DLGAP1: variants seen among roughly 807,000 people sequenced by gnomAD.
DLGAP1 encodes disks large-associated protein 1.
In DLGAP1, 11 loss-of-function variants were observed where a neutral mutation model predicts 90.8. The ratio of observed to expected loss-of-function variants is 0.12; its 90% CI spans 0.08 to 0.20. DLGAP1 has a LOEUF of 0.20. Among genes scored for constraint, DLGAP1 ranks in the 10% least tolerant of loss-of-function variants. DLGAP1 has a pLI of 1.00. For synonymous variants in DLGAP1, 558 were observed against 540.7 expected, an observed-to-expected ratio of 1.03 and a Z score of -0.44; for missense variants, 1,050 against 1,333.8, an observed-to-expected ratio of 0.79 and a Z score of 3.31.
At chr18:3,924,319 G>A (rs1005312544) in intron 3 of DLGAP1, among the ~76,000 whole-genome samples, 1 of 152,158 alleles carries the variant, frequency 6.6e-6, no homozygotes, top group Admixed American at 6.6e-5. Context: ...GAACAGTTCA[G>A]AAAACAAAAC....
chr18:4,272,703 G>C (rs1329850699), intron 1 of DLGAP1, among the ~76,000 whole-genome samples: 1 of 152,106 alleles, frequency 6.6e-6, no homozygotes, highest in Non-Finnish European at 1.5e-5. Flanking sequence ...ACTCTTCTAC[G>C]GGAAAGCGTT....
At chr18:4,297,681 G>A (rs535995579) in intron 1 of DLGAP1, among the ~76,000 whole-genome samples, 1 of 152,180 alleles carries the variant, frequency 6.6e-6, no homozygotes, top group East Asian at 1.9e-4. Flanking sequence ...TGGAGACAAG[G>A]CTCTCTCCTT....
At chr18:4,340,711 G>C (rs1028482289) in intron 1 of DLGAP1, among the ~76,000 whole-genome samples, 3 of 152,080 alleles carry the variant, frequency 2.0e-5, no homozygotes, top group African/African-American at 7.2e-5. Flanking sequence ...CTTAAGTCCA[G>C]CACCCTTTCT....
chr18:4,257,328 A>C (rs898689262), intron 1 of DLGAP1, among the ~76,000 whole-genome samples: 1 of 152,208 alleles, frequency 6.6e-6, no homozygotes, highest in African/African-American at 2.4e-5. Flanking sequence ...CTTATAGTTC[A>C]GAAGGGAAAA....
chr18:3,911,081 T>C (rs2148895680), intron 3 of DLGAP1, among the ~76,000 whole-genome samples: 1 of 152,264 alleles, frequency 6.6e-6, no homozygotes, highest in African/African-American at 2.4e-5. Flanking sequence ...ACAGAGCAAA[T>C]TCCTGTTAGA....
chr18:4,388,283 T>C (rs1462218129), intron 1 of DLGAP1, among the ~76,000 whole-genome samples: 4 of 151,888 alleles, frequency 2.6e-5, no homozygotes, highest in African/African-American at 9.7e-5. Flanking sequence ...GATTAGAGGA[T>C]GGTGAAGCTA....
chr18:3,654,184 A>T (rs1380782315), intron 7 of DLGAP1, among the ~76,000 whole-genome samples: 1 of 152,136 alleles, frequency 6.6e-6, no homozygotes, highest in Non-Finnish European at 1.5e-5. Flanking sequence ...TGGTATCCGC[A>T]GCCACTCCAG....
At chr18:4,071,966 C>T (rs1033817145) in intron 2 of DLGAP1, among the ~76,000 whole-genome samples, 1 of 152,168 alleles carries the variant, frequency 6.6e-6, no homozygotes, top group Non-Finnish European at 1.5e-5. Context: ...CTGAAAAGTA[C>T]TTTTAAAATA....
intron 7 of DLGAP1, among the ~76,000 whole-genome samples, chr18:3,614,856 A>G (rs1016625274): frequency 6.6e-6 from 1 of 150,974 alleles, no homozygotes; most frequent in Non-Finnish European, 1.5e-5. Context: ...TCTCAAGAAA[A>G]AAAAAAAAAA....
At chr18:3,736,188 A>C (rs2062629926) in intron 6 of DLGAP1, among the ~76,000 whole-genome samples, 1 of 152,216 alleles carries the variant, frequency 6.6e-6, no homozygotes, top group Admixed American at 6.5e-5. Flanking sequence ...AAATAAATAA[A>C]GACATAAATT....
chr18:3,945,416 C>T (rs11081076), intron 3 of DLGAP1, among the ~76,000 whole-genome samples: 109,289 of 152,080 alleles, frequency 0.72, 39,457 homozygotes, highest in African/African-American at 0.78. Flanking sequence ...TGGGAGTATA[C>T]AATAAAACAC....
intron 3 of DLGAP1, among the ~76,000 whole-genome samples, chr18:3,991,609 T>C (rs2073969992): frequency 6.6e-6 from 1 of 152,188 alleles, no homozygotes; most frequent in South Asian, 2.1e-4. Context: ...CAGAGATACT[T>C]TCTGGTTGGT....
Position 4,088,427 on chromosome 18 carries a change from C to CTT in DLGAP1, c.-159+62751_-159+62752dup, listed in dbSNP as rs1555737564. Among the ~76,000 whole-genome samples, 26 of 107,876 alleles carry CTT rather than the reference C, an allele frequency of 2.4e-4. 1 individual carries two copies. In the South Asian group the frequency reaches 3.3e-3, roughly 14 times the overall value. The allele number at this position is 107,876 out of a possible 152,430, so 70.8% of individuals were successfully genotyped here. On this transcript the variant is annotated intron_variant, in intron 2 of 12. Transcript: ENST00000315677. ...TTTTATTTACCCTCACATAATTTTC[C>CTT]TTTGTGTGTGTGTGTGTGTGTGTGT...
At chr18:4,365,878 A>G (rs1396910885) in intron 1 of DLGAP1, among the ~76,000 whole-genome samples, 1 of 152,152 alleles carries the variant, frequency 6.6e-6, no homozygotes, top group Non-Finnish European at 1.5e-5. Context: ...CTAAGGTATT[A>G]AGTCAAAAGC....
chr18:3,737,201 A>AACTGGTAC (rs1469681715), intron 6 of DLGAP1, among the ~76,000 whole-genome samples: 3 of 150,898 alleles, frequency 2.0e-5, no homozygotes, highest in Non-Finnish European at 4.4e-5. Context: ...TACAAGGAGG[A>AACTGGTAC]ACTGGTACCA....
chr18:4,207,809 G>A (rs2077753422), intron 1 of DLGAP1, among the ~76,000 whole-genome samples: 1 of 152,178 alleles, frequency 6.6e-6, no homozygotes, highest in African/African-American at 2.4e-5. Flanking sequence ...GTCCAGGAAT[G>A]TGTTTATCTT....
intron 1 of DLGAP1, among the ~76,000 whole-genome samples, chr18:4,309,753 C>A (rs1203714799): frequency 1.3e-5 from 2 of 152,092 alleles, no homozygotes; most frequent in South Asian, 4.2e-4. Context: ...CCCCTAGTGA[C>A]CTAGGACAAC....
intron 1 of DLGAP1, among the ~76,000 whole-genome samples, chr18:4,180,511 G>A (rs2144654926): frequency 6.6e-6 from 1 of 152,264 alleles, no homozygotes; most frequent in African/African-American, 2.4e-5. Flanking sequence ...TGGGGTAACT[G>A]GAGCAGGTGG....
At chr18:3,997,754 A>T (rs1446794673) in intron 3 of DLGAP1, among the ~76,000 whole-genome samples, 1 of 152,274 alleles carries the variant, frequency 6.6e-6, no homozygotes, top group East Asian at 1.9e-4. Context: ...AATATGTCAC[A>T]AATATTATGT....
Sources: allele counts gnomAD v4.1 joint callset (sites outside exome capture counted in the v4.1 genomes callset), GRCh38; gene constraint gnomAD v4.1.1; transcripts MANE v1.5; gene names NCBI Gene and HGNC (gene_info 2026-07-23, HGNC 2026-07-21).